SMC5: variants seen among roughly 807,000 people sequenced by gnomAD.
SMC5 encodes the protein structural maintenance of chromosomes 5, also known as structural maintenance of chromosomes protein 5.
A neutral mutation model predicts 148.3 loss-of-function variants in SMC5; 88 were observed. The observed-to-expected ratio is 0.59, with a 90% CI of 0.50 to 0.71. SMC5 has a LOEUF of 0.71. SMC5 is among the 30% of genes least tolerant of loss of function. The pLI is 0.00. For missense variants in SMC5, 1,142 were observed against 1,298.9 expected, an observed-to-expected ratio of 0.88 and a Z score of 1.86; for synonymous variants, 421 against 432.8, an observed-to-expected ratio of 0.97 and a Z score of 0.34.
Position 70,314,799 on chromosome 9 carries a change from G to C in SMC5, c.1636G>C (p.Ala546Pro). 6.3e-7 allele frequency: 1 copy of C among 1,575,594 alleles called. No homozygotes were observed. The highest frequency in any genetic ancestry group is 1.4e-5 in the African/African-American group (1 of 73,596). Residue 546 changes from alanine (A) to proline (P), a missense_variant, in exon 12 of 25, where the codon GCA (alanine) becomes CCA (proline). Ala to Pro is a conservative substitution (Grantham distance 27, BLOSUM62 -1). Transcript: ENST00000361138. ...TGTTATTGCTCCCAAGAGTTCATAT[G>C]CAGACAAAGCACCTTCAAGATCTTT... ...NAVIAPKSSY[A>P]DKAPSRSLNE... is the part of the protein sequence containing the mutation.
intron 11 of SMC5, chr9:70,312,134 A>G (rs1000683420): frequency 5.9e-5 from 9 of 153,392 alleles, no homozygotes; most frequent in Non-Finnish European, 8.6e-5. Context: ...AAAAAAAAAA[A>G]AAAAAAAAAA....
At chr9:70,321,567 A>C (rs1220999361) in intron 15 of SMC5, among the ~76,000 whole-genome samples, 4 of 151,686 alleles carry the variant, frequency 2.6e-5, no homozygotes, top group Non-Finnish European at 5.9e-5. Flanking sequence ...TTTTTTGTAG[A>C]GATGGGGTCT....
chr9:70,260,677 A>G (rs995609934), intron 1 of SMC5, among the ~76,000 whole-genome samples: 2 of 152,194 alleles, frequency 1.3e-5, no homozygotes, highest in Admixed American at 1.3e-4. Flanking sequence ...TACCATAACA[A>G]CATATATCAG....
At position 70,346,498 on chromosome 9, in the gene SMC5, T is replaced by G; in HGVS notation, c.2524-107T>G. 3 of 1,074,642 alleles carry G rather than the reference T, an allele frequency of 2.8e-6. No homozygotes were observed. The Admixed American group carries it at 5.9e-5, about 21-fold the overall frequency. 66.6% of individuals were successfully genotyped at this position (1,074,642 alleles called of 1,614,324 possible). On this transcript the variant is annotated intron_variant, in intron 18 of 24. Transcript: ENST00000361138. Reference sequence around the variant, plus strand: ...GGTGAAATTCAACTGTCAAAGTAATTAGATTCTCAGGATGCTTTTTTAGTT... The same window carrying G: ...GGTGAAATTCAACTGTCAAAGTAATGAGATTCTCAGGATGCTTTTTTAGTT...
intron 2 of SMC5, among the ~76,000 whole-genome samples, chr9:70,265,562 AT>A (rs758371869): frequency 5.9e-5 from 9 of 152,242 alleles, no homozygotes; most frequent in Admixed American, 5.2e-4. Flanking sequence ...CTCTCATTAA[AT>A]TATAAAGTCT....
chr9:70,289,969 G>A (rs73448905), intron 8 of SMC5, among the ~76,000 whole-genome samples: 198 of 151,948 alleles, frequency 1.3e-3, no homozygotes, highest in Middle Eastern at 3.4e-3. Flanking sequence ...ACCCAAAACC[G>A]TTTTGAGTGT....
At chr9:70,280,992 T>C in intron 6 of SMC5, 93 bp downstream of exon 6, 1 of 1,405,840 alleles carries the variant, frequency 7.1e-7, no homozygotes, top group Middle Eastern at 2.0e-4. Context: ...TCAAGTTAGG[T>C]GCTTCTTTTT....
chr9:70,309,212 A>G (rs569092899), intron 11 of SMC5, among the ~76,000 whole-genome samples: 1 of 152,098 alleles, frequency 6.6e-6, no homozygotes, highest in Admixed American at 6.6e-5. Flanking sequence ...TTCTTAAAGA[A>G]GACAACAATA....
In SMC5 at chr9:70,259,025, TG is replaced by T. The variant is rs2117880467; in HGVS notation, c.-51del. On this transcript the variant is annotated 5_prime_UTR_variant, in exon 1 of 25. The change creates a premature stop within an existing upstream ORF in the 5' untranslated region. Coordinates refer to ENST00000361138, the MANE Select transcript of SMC5 (RefSeq NM_015110.4). ...CTGGGTGGATGGGCGCTTGGGCGCC[TG>T]GGCTGCCGGACGGTGGGAACGGAAG... is the stretch of plus-strand genomic sequence containing the variant. 6.6e-7 allele frequency: 1 copy of T among 1,525,650 alleles called. No individual in the cohort carries two copies. The highest frequency in any genetic ancestry group is 1.4e-5 in the African/African-American group (1 of 71,954). The allele number at this position is 1,525,650 out of a possible 1,614,324, so 94.5% of individuals were successfully genotyped here.
chr9:70,315,854 A>T (rs2035787886), intron 13 of SMC5, among the ~76,000 whole-genome samples: 1 of 152,112 alleles, frequency 6.6e-6, no homozygotes, highest in Non-Finnish European at 1.5e-5. Flanking sequence ...AGAGATACCT[A>T]GTACACTAAC....
Position 70,314,845 on chromosome 9 carries a change from T to A in SMC5, c.1673+9T>A. 1 of 1,402,210 alleles carries A rather than the reference T, an allele frequency of 7.1e-7. No individual in the cohort carries two copies. Among genetic ancestry groups the A allele is most frequent in the East Asian group, 2.4e-5 (1 of 40,924 alleles). The allele number at this position is 1,402,210 out of a possible 1,614,324, so 86.9% of individuals were successfully genotyped here. Reference sequence around the variant, plus strand: ...TCTTTGAATGAACTTAAGTAAGTCTTGAAAATACTAAGATTTATTTAAATA... The same window carrying A: ...TCTTTGAATGAACTTAAGTAAGTCTAGAAAATACTAAGATTTATTTAAATA... On this transcript the variant is annotated intron_variant, in intron 12 of 24. Transcript: ENST00000361138.
intron 18 of SMC5, among the ~76,000 whole-genome samples, chr9:70,345,839 G>A (rs978168245): frequency 2.0e-5 from 3 of 152,116 alleles, no homozygotes; most frequent in Non-Finnish European, 4.4e-5. Flanking sequence ...AATGGAAGCA[G>A]TGAAACCATT....
Position 70,348,031 on chromosome 9 carries a change from A to G in SMC5, c.2882A>G (p.Glu961Gly), listed in dbSNP as rs767221025. The G allele has an allele frequency of 4.5e-6, 7 of 1,567,318 alleles. No individual in the cohort carries two copies. In the Admixed American group the frequency reaches 1.3e-4, roughly 28 times the overall value. ...QCAGEVDLHT[E>G]NEEDYDKYGI... is the part of the protein sequence containing the mutation. Reference sequence around the variant, plus strand: ...GCTGGTGAAGTTGATCTCCATACAGAAAATGAGGTAAAATTGCATTTGAAA... The same window carrying G: ...GCTGGTGAAGTTGATCTCCATACAGGAAATGAGGTAAAATTGCATTTGAAA... The change falls in exon 22 of 25, where the codon GAA becomes GGA. Residue 961 changes from glutamate (E) to glycine (G), a missense_variant. Around this residue, in one of 5 missense-constraint regions of SMC5, gnomAD observed 743 missense variants for 835.7 expected, o/e 0.89. Coordinates refer to ENST00000361138, the MANE Select transcript of SMC5 (RefSeq NM_015110.4).
chr9:70,337,159 C>T (rs2036379407), intron 17 of SMC5, among the ~76,000 whole-genome samples: 2 of 152,174 alleles, frequency 1.3e-5, no homozygotes, highest in Admixed American at 6.5e-5. Flanking sequence ...GGTGGGGACA[C>T]AGCCAAACTA....
intron 10 of SMC5, among the ~76,000 whole-genome samples, 197 bp downstream of exon 10, chr9:70,300,397 G>A (rs2035327919): frequency 6.6e-6 from 1 of 151,984 alleles, no homozygotes; most frequent in South Asian, 2.1e-4. Context: ...TAAAACCTGT[G>A]CTTTTTTCTA....
In SMC5 at chr9:70,318,976, C is replaced by T; in HGVS notation, c.2150+13C>T. On this transcript the variant is annotated intron_variant, in intron 15 of 24. Transcript: ENST00000361138. ...CCAAACTAGGAAGGTATCTTTTAGC[C>T]TATTCAGGGGGGAGAGCACAAATTA... 1 of 1,598,902 alleles carries T rather than the reference C, an allele frequency of 6.3e-7. No individual in the cohort carries two copies. Among genetic ancestry groups the T allele is most frequent in the Non-Finnish European group, 8.5e-7 (1 of 1,174,370 alleles).
At chr9:70,293,625 A>G (rs2035123199) in intron 8 of SMC5, among the ~76,000 whole-genome samples, 1 of 151,766 alleles carries the variant, frequency 6.6e-6, no homozygotes, top group African/African-American at 2.4e-5. Context: ...ACAAATTTTG[A>G]TATGTGCTAT....
Position 70,297,955 on chromosome 9 carries a change from T to A in SMC5, c.1054-11T>A. On this transcript the variant is annotated splice_polypyrimidine_tract_variant and intron_variant, in intron 8 of 24. Transcript: ENST00000361138. ...ACAGTCTCAAGTACTAACCTACTTT[T>A]GTTTTATTAGATTGAGGAACTTCAG... The A allele has an allele frequency of 6.2e-7, 1 of 1,606,596 alleles. No individual in the cohort carries two copies. Among genetic ancestry groups the A allele is most frequent in the Non-Finnish European group, 8.5e-7 (1 of 1,177,808 alleles).
chr9:70,308,815 T>C (rs2035578943), intron 11 of SMC5, among the ~76,000 whole-genome samples: 1 of 152,110 alleles, frequency 6.6e-6, no homozygotes, highest in Admixed American at 6.6e-5. Context: ...GGTTGTACAT[T>C]GCTAGTACGT....
Sources: allele counts gnomAD v4.1 joint callset (sites outside exome capture counted in the v4.1 genomes callset), GRCh38; gene constraint gnomAD v4.1.1; regional missense constraint gnomAD v4.1.1; transcripts MANE v1.5; gene names NCBI Gene and HGNC (gene_info 2026-07-23, HGNC 2026-07-21).